Variants in SMYD3 observed in about 807,000 individuals in gnomAD.
SMYD3 encodes histone-lysine N-methyltransferase SMYD3.
Under a neutral mutation model 57.7 loss-of-function variants are expected in SMYD3, and 36 were observed. The observed-to-expected ratio is 0.62, with a 90% CI of 0.48 to 0.82. The LOEUF is 0.82. Among genes scored for constraint, SMYD3 ranks in the 40% least tolerant of loss-of-function variants. SMYD3 has a pLI of 0.00. For missense variants in SMYD3, 515 were observed against 538.8 expected, an observed-to-expected ratio of 0.96 and a Z score of 0.44; for synonymous variants, 211 against 195.0, an observed-to-expected ratio of 1.08 and a Z score of -0.68.
intron 11 of SMYD3, among the ~76,000 whole-genome samples, chr1:245,753,502 G>C (rs913627288): frequency 1.3e-5 from 2 of 152,250 alleles, no homozygotes; most frequent in Non-Finnish European, 2.9e-5. Flanking sequence ...ACCTGGTGAT[G>C]AGGACATCTG....
intron 5 of SMYD3, chr1:246,096,226 T>A (rs915166963): frequency 6.6e-6 from 1 of 152,176 alleles, no homozygotes; most frequent in Admixed American, 6.5e-5. Flanking sequence ...AATATGCAAA[T>A]GCATTCACGC....
chr1:246,295,270 G>T (rs2064771418), intron 5 of SMYD3, among the ~76,000 whole-genome samples: 1 of 152,126 alleles, frequency 6.6e-6, no homozygotes, highest in African/African-American at 2.4e-5. Flanking sequence ...ATCTCTTACA[G>T]ATCCCACTGC....
intron 1 of SMYD3, among the ~76,000 whole-genome samples, chr1:246,474,316 G>A (rs1007059841): frequency 3.3e-5 from 5 of 152,004 alleles, no homozygotes; most frequent in African/African-American, 1.2e-4. Context: ...TCAGGAGATC[G>A]AGACCATCCT....
At chr1:246,395,302 T>C (rs931991780) in intron 1 of SMYD3, among the ~76,000 whole-genome samples, 5 of 152,244 alleles carry the variant, frequency 3.3e-5, no homozygotes, top group African/African-American at 1.2e-4. Context: ...AAATATATCT[T>C]AACATTTTGC....
intron 1 of SMYD3, among the ~76,000 whole-genome samples, chr1:246,435,237 A>T (rs2067354021): frequency 6.6e-6 from 1 of 152,176 alleles, no homozygotes; most frequent in Non-Finnish European, 1.5e-5. Context: ...TGACAGGATC[A>T]TCCCTATTTC....
intron 1 of SMYD3, among the ~76,000 whole-genome samples, chr1:246,436,540 T>C (rs1197289071): frequency 6.6e-6 from 1 of 152,198 alleles, no homozygotes; most frequent in African/African-American, 2.4e-5. Flanking sequence ...GGTTCCTGCC[T>C]CCCTAGTCTC....
At chr1:246,119,174 A>C (rs12401699) in intron 5 of SMYD3, among the ~76,000 whole-genome samples, 22,031 of 151,946 alleles carry the variant, frequency 0.14, 2,119 homozygotes, top group African/African-American at 0.27. Context: ...ACGCATGCCA[A>C]CATGCTTGGC....
At chr1:246,243,839 G>A (rs1780810) in intron 5 of SMYD3, among the ~76,000 whole-genome samples, 39,888 of 150,926 alleles carry the variant, frequency 0.26, 5,943 homozygotes, top group East Asian at 0.57. Flanking sequence ...TGAGAGTTAA[G>A]ATTAGAAAGA....
intron 10 of SMYD3, among the ~76,000 whole-genome samples, chr1:245,843,840 G>A (rs1204083420): frequency 1.3e-5 from 2 of 152,148 alleles, no homozygotes; most frequent in African/African-American, 2.4e-5. Flanking sequence ...AGAAGTTTTG[G>A]AGGATTTTGA....
intron 5 of SMYD3, among the ~76,000 whole-genome samples, chr1:246,250,877 C>T (rs1042863792): frequency 3.3e-5 from 5 of 152,146 alleles, no homozygotes; most frequent in Non-Finnish European, 5.9e-5. Flanking sequence ...ATTAAATACA[C>T]CAGCAACATT....
intron 1 of SMYD3, among the ~76,000 whole-genome samples, chr1:246,411,525 CAT>C (rs2066968381): frequency 6.6e-6 from 1 of 152,128 alleles, no homozygotes; most frequent in African/African-American, 2.4e-5. Flanking sequence ...CACACGCACA[CAT>C]ATGTTTATTG....
intron 5 of SMYD3, among the ~76,000 whole-genome samples, chr1:246,063,346 C>T (rs562418205): frequency 1.3e-5 from 2 of 152,132 alleles, no homozygotes; most frequent in Non-Finnish European, 2.9e-5. Context: ...GGAGTTCAAT[C>T]GCCTGTAGGC....
chr1:246,391,398 G>A (rs1459151848), intron 1 of SMYD3, among the ~76,000 whole-genome samples: 2 of 71,768 alleles, frequency 2.8e-5, no homozygotes, highest in Non-Finnish European at 6.0e-5. Context: ...GAGAGAAAGA[G>A]AGAGAGAGAA....
At chr1:246,270,506 C>T (rs2064200143) in intron 5 of SMYD3, among the ~76,000 whole-genome samples, 1 of 152,168 alleles carries the variant, frequency 6.6e-6, no homozygotes, top group South Asian at 2.1e-4. Flanking sequence ...TGGCAATCAC[C>T]ATTCTACTTT....
chr1:246,492,459 A>G (rs1324887579), intron 1 of SMYD3, among the ~76,000 whole-genome samples: 1 of 152,226 alleles, frequency 6.6e-6, no homozygotes, highest in Non-Finnish European at 1.5e-5. Context: ...AAGGGACCCA[A>G]GAAAGTACTG....
At chr1:246,229,465 T>C (rs6667274) in intron 5 of SMYD3, among the ~76,000 whole-genome samples, 31,602 of 151,912 alleles carry the variant, frequency 0.21, 3,998 homozygotes, top group East Asian at 0.58. Context: ...CAACTCTCTT[T>C]ATAGAAGGAT....
intron 5 of SMYD3, among the ~76,000 whole-genome samples, chr1:246,298,989 G>T (rs887102462): frequency 3.3e-5 from 5 of 152,132 alleles, no homozygotes; most frequent in Non-Finnish European, 4.4e-5. Context: ...GAGTAAGCAA[G>T]CAGTGTTCTT....
intron 10 of SMYD3, among the ~76,000 whole-genome samples, chr1:245,853,736 C>T (rs905775786): frequency 1.3e-4 from 20 of 151,870 alleles, no homozygotes; most frequent in Non-Finnish European, 2.6e-4. Context: ...AAAAAAAAAT[C>T]CCCCGCAAAA....
At chr1:245,846,562 C>T (rs191324712) in intron 10 of SMYD3, among the ~76,000 whole-genome samples, 46 of 152,270 alleles carry the variant, frequency 3.0e-4, no homozygotes, top group East Asian at 2.1e-3. Context: ...ATCTTGGCTC[C>T]GTCATGGAGT....
Sources: gnomAD v4.1 joint callset for allele counts (sites outside exome capture counted in the v4.1 genomes callset) on GRCh38, gnomAD v4.1.1 for gene constraint, MANE v1.5 for transcripts, NCBI Gene and HGNC (gene_info 2026-07-23, HGNC 2026-07-21) for gene names.